ZNF57: variants seen among roughly 807,000 people sequenced by gnomAD.
The protein encoded by ZNF57 is zinc finger protein 57, also known as zinc finger protein 424.
ZNF57 carries 11 observed loss-of-function variants against 13.4 expected under a neutral mutation model. The observed-to-expected ratio is 0.82, with a 90% CI of 0.52 to 1.36. ZNF57 has a LOEUF of 1.36. ZNF57 is among the 40% of genes most tolerant of loss of function. ZNF57 has a pLI of 0.00. For missense variants in ZNF57, 696 were observed against 667.5 expected, an observed-to-expected ratio of 1.04 and a Z score of -0.47; for synonymous variants, 224 against 238.5, an observed-to-expected ratio of 0.94 and a Z score of 0.56.
chr19:2,917,916 C>T lies in ZNF57; in HGVS notation c.1295C>T (p.Ser432Phe), dbSNP rs766256845. 2 of 1,613,756 alleles carry T rather than the reference C, an allele frequency of 1.2e-6. No homozygotes were observed. The highest frequency in any genetic ancestry group is 1.7e-6 in the Non-Finnish European group (2 of 1,179,954). ...CKQCGKTFTW[S>F]STFREHVRIH... ...CAATGTGGAAAAACCTTCACTTGGTCCTCAACGTTTAGAGAACATGTGAGA... is the reference window on the plus strand; with the variant it reads ...CAATGTGGAAAAACCTTCACTTGGTTCTCAACGTTTAGAGAACATGTGAGA... Residue 432 changes from serine to phenylalanine, a missense_variant, in exon 4 of 4, where the codon TCC (serine) becomes TTC (phenylalanine). Ser to Phe is a radical substitution (Grantham distance 155). Around this residue, in one of 3 missense-constraint regions of ZNF57, gnomAD observed 645 missense variants for 591.5 expected, o/e 1.09. Transcript: ENST00000306908.
chr19:2,915,972 T>C (rs1014910573), intron 2 of ZNF57, 106 bp from the exon 3 acceptor site: 3 of 1,265,770 alleles, frequency 2.4e-6, no homozygotes, highest in Non-Finnish European at 3.3e-6. Flanking sequence ...TTTGACCCCT[T>C]ATGTCTGTTA....
At chr19:2,902,433 G>A (rs1219335718) in intron 1 of ZNF57, among the ~76,000 whole-genome samples, 2 of 152,104 alleles carry the variant, frequency 1.3e-5, no homozygotes, top group Non-Finnish European at 2.9e-5. Context: ...TGGGGTACAG[G>A]CTAAGCATGG....
chr19:2,918,263 T>G lies in ZNF57; in HGVS notation c.1642T>G (p.Ser548Ala). The G allele has an allele frequency of 6.2e-7, 1 of 1,610,010 alleles. No individual in the cohort carries two copies. Among genetic ancestry groups the G allele is most frequent in the Non-Finnish European group, 8.5e-7 (1 of 1,177,506 alleles). The stretch of plus-strand genomic sequence containing the variant: ...AGCCTTCAGTTGCCAAGTCATTCTT[T>G]CTAAAACCAGTGAGAGCACACACTA... Reference protein sequence around the residue: ...SKAFSCQVILSKTSESTH With the variant: ...SKAFSCQVILAKTSESTH Residue 548 changes from serine to alanine, a missense_variant, in exon 4 of 4, where the codon TCT becomes GCT. Physicochemically the swap from Ser to Ala is moderately conservative, Grantham distance 99. Coordinates refer to ENST00000306908, the MANE Select transcript of ZNF57 (RefSeq NM_173480.3).
At chr19:2,912,761 T>G (rs1281559258) in intron 1 of ZNF57, among the ~76,000 whole-genome samples, 1 of 152,200 alleles carries the variant, frequency 6.6e-6, no homozygotes. Context: ...CATTTTACAT[T>G]CCCACCAGCA....
chr19:2,907,182 C>T (rs1022749449), intron 1 of ZNF57: 1 of 152,200 alleles, frequency 6.6e-6, no homozygotes, highest in African/African-American at 2.4e-5. Context: ...TACGTTCTCT[C>T]CAAAACCCAG....
intron 1 of ZNF57, among the ~76,000 whole-genome samples, chr19:2,903,995 G>C (rs990510897): frequency 1.6e-4 from 25 of 152,322 alleles, no homozygotes; most frequent in African/African-American, 5.1e-4. Flanking sequence ...GATTACAGGC[G>C]TGAGCCACCG....
chr19:2,913,016 C>T (rs534532360), intron 1 of ZNF57, among the ~76,000 whole-genome samples: 6 of 152,242 alleles, frequency 3.9e-5, no homozygotes, highest in East Asian at 3.9e-4. Context: ...TGCAATGGTG[C>T]GATCTCGGCT....
chr19:2,916,233 C>G lies in ZNF57; in HGVS notation c.286C>G (p.His96Asp). The G allele has an allele frequency of 6.2e-7, 1 of 1,605,590 alleles. No homozygotes were observed. The highest frequency in any genetic ancestry group is 8.5e-7 in the Non-Finnish European group (1 of 1,176,848). Reference protein sequence around the residue: ...KNCEGYGTEDHHKNLRNHMVD... With the variant: ...KNCEGYGTEDDHKNLRNHMVD... ...TTGTGAAGGCTATGGCACTGAAGAC[C>G]ACCACAAAAATCTGAGGTGAGTTGC... The change falls in exon 3 of 4, where the codon CAC becomes GAC. Residue 96 changes from histidine (H) to aspartate (D), a missense_variant. Physicochemically the swap from His to Asp is moderately conservative, Grantham distance 81. This residue lies in a region of ZNF57 where 645 missense variants were observed against 591.5 expected (regional missense o/e 1.09). Coordinates refer to ENST00000306908, the MANE Select transcript of ZNF57 (RefSeq NM_173480.3).
At position 2,916,202 on chromosome 19, in the gene ZNF57, A is replaced by T; in HGVS notation, c.255A>T (p.Glu85Asp). 3.1e-6 allele frequency: 5 copies of T among 1,613,800 alleles called. No individual in the cohort carries two copies. The highest frequency in any genetic ancestry group is 4.2e-6 in the Non-Finnish European group (5 of 1,179,902). Residue 85 changes from glutamate (E) to aspartate (D), a missense_variant, in exon 3 of 4, where the codon GAA becomes GAT. Around this residue, in one of 3 missense-constraint regions of ZNF57, gnomAD observed 645 missense variants for 591.5 expected, o/e 1.09. Transcript: ENST00000306908. ...TGNNSCAYTL[E>D]KNCEGYGTED... ...ATAATTCCTGTGCCTACACTTTAGA[A>T]AAAAATTGTGAAGGCTATGGCACTG... is the stretch of plus-strand genomic sequence containing the variant.
chr19:2,906,301 G>A lies in ZNF57; in HGVS notation c.3+5253G>A, dbSNP rs185601038. Among the ~76,000 whole-genome samples, 15 of 152,310 alleles carry A rather than the reference G, an allele frequency of 9.8e-5. 1 individual carries two copies. The highest frequency in any genetic ancestry group is 7.8e-4 in the Admixed American group (12 of 15,298). On this transcript the variant is annotated intron_variant, in intron 1 of 3. Transcript: ENST00000306908. ...ATTCCTGGGCTCAAGCGATCCTCCCGCCTCAGCCTCCCAAAGTGCTGGGAG... is the reference window on the plus strand; with the variant it reads ...ATTCCTGGGCTCAAGCGATCCTCCCACCTCAGCCTCCCAAAGTGCTGGGAG...
At chr19:2,912,048 A>G (rs1472083044) in intron 1 of ZNF57, 2 of 152,192 alleles carry the variant, frequency 1.3e-5, no homozygotes, top group African/African-American at 4.8e-5. Context: ...ACTGGGTGAA[A>G]GGCACTGAAG....
At position 2,917,528 on chromosome 19, in the gene ZNF57, A is replaced by C; in HGVS notation, c.907A>C (p.Thr303Pro). The change falls in exon 4 of 4, where the codon ACG becomes CCG. Residue 303 changes from threonine to proline, a missense_variant. Thr to Pro is a conservative substitution (Grantham distance 38). Coordinates refer to ENST00000306908, the MANE Select transcript of ZNF57 (RefSeq NM_173480.3). ...QAFQRHEKTH[T>P]GEKPYECKQC... Reference sequence around the variant, plus strand: ...TTTTCAAAGACATGAGAAGACGCACACGGGAGAGAAGCCCTATGAATGCAA... The same window carrying C: ...TTTTCAAAGACATGAGAAGACGCACCCGGGAGAGAAGCCCTATGAATGCAA... 1 of 1,613,846 alleles carries C rather than the reference A, an allele frequency of 6.2e-7. No homozygotes were observed. The highest frequency in any genetic ancestry group is 1.1e-5 in the South Asian group (1 of 91,022).
chr19:2,902,627 G>A (rs1365321814), intron 1 of ZNF57, among the ~76,000 whole-genome samples: 9 of 152,152 alleles, frequency 5.9e-5, no homozygotes, highest in African/African-American at 2.2e-4. Flanking sequence ...CAGAGTTTGC[G>A]ACAGTGTGTG....
At position 2,917,488 on chromosome 19, in the gene ZNF57, C is replaced by G. The variant is rs948762228; in HGVS notation, c.867C>G (p.Phe289Leu). ...PYKCQHCGKAFTYPQAFQRHE... is the reference protein window; with the variant it reads ...PYKCQHCGKALTYPQAFQRHE... The stretch of plus-strand genomic sequence containing the variant: ...AATGTCAGCACTGTGGGAAAGCCTT[C>G]ACTTACCCCCAGGCTTTTCAAAGAC... The change falls in exon 4 of 4, where the codon TTC becomes TTG. Residue 289 changes from phenylalanine to leucine, a missense_variant. Coordinates refer to ENST00000306908, the MANE Select transcript of ZNF57 (RefSeq NM_173480.3). 1 of 1,613,628 alleles carries G rather than the reference C, an allele frequency of 6.2e-7. No homozygotes were observed. The highest frequency in any genetic ancestry group is 1.7e-5 in the Admixed American group (1 of 59,966).
Position 2,918,429 on chromosome 19 carries a change from C to T in ZNF57, c.*140C>T, listed in dbSNP as rs1335981816. ...TCATTTGTAAAACAGACCCATTAGT[C>T]GTGAATTTCCAGCTCTTTCAAAAAT... is the stretch of plus-strand genomic sequence containing the variant. On this transcript the variant is annotated 3_prime_UTR_variant, in exon 4 of 4. Coordinates refer to ENST00000306908, the MANE Select transcript of ZNF57 (RefSeq NM_173480.3). 9.0e-6 allele frequency: 8 copies of T among 893,500 alleles called. No homozygotes were observed. Among genetic ancestry groups the T allele is most frequent in the African/African-American group, 3.4e-5 (2 of 59,108 alleles). 55.3% of individuals were successfully genotyped at this position (893,500 alleles called of 1,614,324 possible). A position where few individuals can be genotyped will look rare whatever the true frequency, so the allele number is the denominator to read the frequency against.
intron 1 of ZNF57, among the ~76,000 whole-genome samples, chr19:2,913,921 G>A (rs1398511591): frequency 5.9e-5 from 9 of 152,266 alleles, no homozygotes; most frequent in East Asian, 1.9e-4. Context: ...GATTACAGGC[G>A]TGAGCCACCG....
At chr19:2,904,260 T>C (rs561534622) in intron 1 of ZNF57, among the ~76,000 whole-genome samples, 1 of 152,352 alleles carries the variant, frequency 6.6e-6, no homozygotes, top group African/African-American at 2.4e-5. Flanking sequence ...TGCTGGTGTC[T>C]GAGACAGTGG....
intron 1 of ZNF57, among the ~76,000 whole-genome samples, chr19:2,903,502 G>A (rs965161620): frequency 2.0e-5 from 3 of 151,824 alleles, no homozygotes; most frequent in Non-Finnish European, 4.4e-5. Flanking sequence ...GTGAGCCACC[G>A]CGCCCGGCCT....
chr19:2,908,660 C>T (rs1271003263), intron 1 of ZNF57, among the ~76,000 whole-genome samples: 1 of 151,972 alleles, frequency 6.6e-6, no homozygotes, highest in Admixed American at 6.6e-5. Flanking sequence ...TCCTCGGCCT[C>T]CCAAAGTGCT....
Sources: gnomAD v4.1 joint callset for allele counts (sites outside exome capture counted in the v4.1 genomes callset) on GRCh38, gnomAD v4.1.1 for gene constraint, gnomAD v4.1.1 regional missense constraint, MANE v1.5 for transcripts, NCBI Gene and HGNC (gene_info 2026-07-23, HGNC 2026-07-21) for gene names.